The following MERTK variants were observed in gnomAD, a reference collection of about 807,000 sequenced individuals.
The protein encoded by MERTK is tyrosine-protein kinase Mer.
MERTK carries 69 observed loss-of-function variants against 99.3 expected under a neutral mutation model. That is an observed-to-expected ratio of 0.70 (90% CI 0.57 to 0.85). The LOEUF (loss-of-function observed/expected upper bound fraction) is 0.85, where lower values mean the gene tolerates loss of function less well. Among genes scored for constraint, MERTK ranks in the 40% least tolerant of loss-of-function variants. MERTK has a pLI of 0.00. For missense variants in MERTK, 1,125 were observed against 1,249.4 expected (o/e 0.90, Z 1.50); for synonymous variants, 426 against 467.6 (o/e 0.91, Z 1.15).
At position 111,976,624 on chromosome 2, in the gene MERTK, A is replaced by G. The variant is rs187424876; in HGVS notation, c.1144+1152A>G. On this transcript the variant is annotated intron_variant, in intron 7 of 18. Coordinates refer to ENST00000295408, the MANE Select transcript of MERTK (RefSeq NM_006343.3). ...CACATATATACACATAAAATAACCC[A>G]CAAGTCCATTAAAATGTAATCGAAT... 2.1e-4 allele frequency among the ~76,000 whole-genome samples: 32 copies of G among 152,016 alleles called. No individual in the cohort carries two copies. In the Middle Eastern group the frequency reaches 0.014, roughly 65 times the overall value.
At chr2:112,006,155 T>TA (rs1207943812) in intron 13 of MERTK, among the ~76,000 whole-genome samples, 1 of 152,168 alleles carries the variant, frequency 6.6e-6, no homozygotes, top group African/African-American at 2.4e-5. Context: ...GTGCTGGGAT[T>TA]ACAGCCGTGA....
At chr2:111,981,883 T>C (rs1676380267) in intron 7 of MERTK, among the ~76,000 whole-genome samples, 1 of 152,126 alleles carries the variant, frequency 6.6e-6, no homozygotes, top group South Asian at 2.1e-4. Context: ...GCATCTCAAA[T>C]GCCACCAAGC....
chr2:111,975,811 G>T (rs1676235694), intron 7 of MERTK, among the ~76,000 whole-genome samples: 1 of 152,158 alleles, frequency 6.6e-6, no homozygotes, highest in Admixed American at 6.5e-5. Flanking sequence ...TCCAATATAT[G>T]TGGGGATTTC....
intron 8 of MERTK, among the ~76,000 whole-genome samples, chr2:111,985,219 A>G (rs1437387688): frequency 6.6e-6 from 1 of 152,182 alleles, no homozygotes; most frequent in Non-Finnish European, 1.5e-5. Flanking sequence ...TTTGATTTCT[A>G]TGAAGTCTAA....
In MERTK at chr2:111,954,918, T is replaced by TA. The variant is rs200764292; in HGVS notation, c.757+7353dup. ...AACTACGTAAAAACTTATTTTTAAT[T>TA]AATTTTTTTTTAATTTTGAGGAAGC... On this transcript the variant is annotated intron_variant, in intron 4 of 18. Transcript: ENST00000295408. 4.0e-3 allele frequency among the ~76,000 whole-genome samples: 615 copies of TA among 152,258 alleles called. 5 individuals are homozygous for TA. The highest frequency in any genetic ancestry group is 0.014 in the Admixed American group (211 of 15,298).
chr2:111,963,807 A>G lies in MERTK; in HGVS notation c.758-1384A>G, dbSNP rs150079897. 6.5e-3 allele frequency among the ~76,000 whole-genome samples: 985 copies of G among 152,218 alleles called. 13 individuals are homozygous for G. Among genetic ancestry groups the G allele is most frequent in the African/African-American group, 0.023 (949 of 41,532 alleles). ...AATCTGATCTCTCTTTCTTTTCCCC[A>G]CAGACAGGTTTTAGGTATCACTGGT... On this transcript the variant is annotated intron_variant, in intron 4 of 18. Coordinates refer to ENST00000295408, the MANE Select transcript of MERTK (RefSeq NM_006343.3).
chr2:112,014,574 G>C (rs972487204), intron 15 of MERTK, among the ~76,000 whole-genome samples: 2 of 152,092 alleles, frequency 1.3e-5, no homozygotes, highest in Non-Finnish European at 2.9e-5. Flanking sequence ...GGGCTATTTG[G>C]TGGCCCAAAT....
chr2:111,954,260 G>A (rs964938525), intron 4 of MERTK, among the ~76,000 whole-genome samples: 2 of 152,132 alleles, frequency 1.3e-5, no homozygotes, highest in African/African-American at 2.4e-5. Flanking sequence ...GCCCATGAGC[G>A]ACTGTGCCTT....
At chr2:111,962,217 A>AT (rs1685263515) in intron 4 of MERTK, among the ~76,000 whole-genome samples, 2 of 152,198 alleles carry the variant, frequency 1.3e-5, no homozygotes, top group Non-Finnish European at 2.9e-5. Flanking sequence ...TCTAAAAAAT[A>AT]ACCATTCAGG....
intron 5 of MERTK, among the ~76,000 whole-genome samples, chr2:111,966,889 T>C (rs1203289525): frequency 1.3e-5 from 2 of 152,164 alleles, no homozygotes; most frequent in African/African-American, 4.8e-5. Flanking sequence ...CCTTCCTCCT[T>C]CTCTCCTGCT....
Position 111,984,996 on chromosome 2 carries a change from A to G in MERTK, c.1296+2003A>G, listed in dbSNP as rs373526719. On this transcript the variant is annotated intron_variant, in intron 8 of 18. Transcript: ENST00000295408. ...TCAGGTAATTCCTGCCTTATAATCA[A>G]TCTAAAGCTGGCAAGATCCTTTAGA... Among the ~76,000 whole-genome samples, 156 of 152,296 alleles carry G rather than the reference A, an allele frequency of 1.0e-3. 1 individual carries two copies. The highest frequency in any genetic ancestry group is 3.6e-3 in the African/African-American group (149 of 41,566).
chr2:112,000,116 A>T (rs1676838520), intron 10 of MERTK, among the ~76,000 whole-genome samples: 1 of 152,172 alleles, frequency 6.6e-6, no homozygotes, highest in African/African-American at 2.4e-5. Flanking sequence ...CAATGGTGGA[A>T]TGTCATCAGG....
rs755902954 is a variant in MERTK at position 112,003,193 on chromosome 2, C to G, written c.1786+6C>G. 4.4e-6 allele frequency: 6 copies of G among 1,352,842 alleles called. No homozygotes were observed. In the Admixed American group the frequency reaches 5.0e-5, roughly 11 times the overall value. The allele number at this position is 1,352,842 out of a possible 1,614,324, so 83.8% of individuals were successfully genotyped here. A position where few individuals can be genotyped will look rare whatever the true frequency, so the allele number is the denominator to read the frequency against. On this transcript the variant is annotated splice_donor_region_variant and intron_variant, in intron 12 of 18. Transcript: ENST00000295408. ...TGGAAAAATTCTGGGTGAAGGTAAG[C>G]AATTTAAAGTAATTCTTTTAAAATG...
At chr2:111,972,184 C>T (rs1676136555) in intron 6 of MERTK, among the ~76,000 whole-genome samples, 1 of 152,180 alleles carries the variant, frequency 6.6e-6, no homozygotes, top group Admixed American at 6.5e-5. Context: ...GCACCTGCCA[C>T]TGCGCCTGGC....
chr2:111,928,363 C>G (rs977273295), intron 1 of MERTK, among the ~76,000 whole-genome samples: 3 of 150,892 alleles, frequency 2.0e-5, no homozygotes, highest in Non-Finnish European at 4.4e-5. Flanking sequence ...ATAGCTGGGA[C>G]TACAGATGCA....
In MERTK at chr2:111,975,407, C is replaced by G; in HGVS notation, c.1079C>G (p.Ser360Cys). ...QALANYSIGVSCMNEIGWSAV... is the reference protein window; with the variant it reads ...QALANYSIGVCCMNEIGWSAV... ...CTGGCTAATTACAGCATTGGTGTTT[C>G]CTGCATGAATGAAATAGGCTGGTCT... Residue 360 changes from serine (S) to cysteine (C), a missense_variant, in exon 7 of 19, where the codon TCC (serine) becomes TGC (cysteine). Ser to Cys is a moderately radical substitution (Grantham distance 112). Coordinates refer to ENST00000295408, the MANE Select transcript of MERTK (RefSeq NM_006343.3). 6.2e-7 allele frequency: 1 copy of G among 1,614,192 alleles called. No individual in the cohort carries two copies. Among genetic ancestry groups the G allele is most frequent in the Non-Finnish European group, 8.5e-7 (1 of 1,180,028 alleles).
At chr2:111,932,020 T>C (rs1684680943) in intron 2 of MERTK, among the ~76,000 whole-genome samples, 1 of 152,170 alleles carries the variant, frequency 6.6e-6, no homozygotes. Context: ...GTACAGAAGA[T>C]GACCTGGGTA....
intron 1 of MERTK, among the ~76,000 whole-genome samples, chr2:111,907,924 C>G (rs762599228): frequency 2.6e-5 from 4 of 152,142 alleles, no homozygotes; most frequent in Non-Finnish European, 5.9e-5. Flanking sequence ...GCTCAGGTTC[C>G]CAGGACCCGT....
chr2:112,017,946 C>T (rs1030791619), intron 15 of MERTK, among the ~76,000 whole-genome samples: 1 of 152,118 alleles, frequency 6.6e-6, no homozygotes, highest in Admixed American at 6.5e-5. Flanking sequence ...GATACAGGAT[C>T]TCATGCAATA....
Sources: allele counts gnomAD v4.1 joint callset (sites outside exome capture counted in the v4.1 genomes callset), GRCh38; gene constraint gnomAD v4.1.1; transcripts MANE v1.5; gene names NCBI Gene and HGNC (gene_info 2026-07-23, HGNC 2026-07-21).